The following DNAAF4 variants were observed in gnomAD, a reference collection of about 807,000 sequenced individuals.
The protein encoded by DNAAF4 is dynein assembly factor 4, axonemal.
A neutral mutation model predicts 51.8 loss-of-function variants in DNAAF4; 43 were observed. The observed-to-expected ratio is 0.83, with a 90% CI of 0.65 to 1.07. The LOEUF (loss-of-function observed/expected upper bound fraction) is 1.07. DNAAF4 is among the 50% of genes least tolerant of loss of function. The probability of loss-of-function intolerance (pLI) is 0.00; values close to 1 mark genes in which losing one functional copy is unlikely to be tolerated. For missense variants in DNAAF4, 581 were observed against 493.0 expected, an observed-to-expected ratio of 1.18 and a Z score of -1.69; for synonymous variants, 194 against 165.6, an observed-to-expected ratio of 1.17 and a Z score of -1.32.
intron 9 of DNAAF4, among the ~76,000 whole-genome samples, chr15:55,432,134 T>C (rs2057505858): frequency 6.6e-6 from 1 of 151,934 alleles, no homozygotes; most frequent in African/African-American, 2.4e-5. Flanking sequence ...TTTGTGTTTT[T>C]AGTAGAGGGT....
At chr15:55,467,294 G>C (rs1480306613) in intron 4 of DNAAF4, 133 bp from the exon 5 acceptor site, 1 of 857,220 alleles carries the variant, frequency 1.2e-6, no homozygotes, top group Non-Finnish European at 1.8e-6. Context: ...ATAGGTAGTA[G>C]TGAATTATGA....
chr15:55,473,345 ATGTGTGTATATATATGTG>A (rs1567023604), intron 4 of DNAAF4, among the ~76,000 whole-genome samples: 5 of 137,308 alleles, frequency 3.6e-5, no homozygotes. Flanking sequence ...GTGTATATAT[ATGTGTGTATATATATGTG>A]TGTGTGTATA....
chr15:55,471,035 T>C (rs868294606), intron 4 of DNAAF4, among the ~76,000 whole-genome samples: 10 of 151,072 alleles, frequency 6.6e-5, no homozygotes, highest in African/African-American at 2.2e-4. Flanking sequence ...GTTGTTGTTG[T>C]TTTTAGAGTC....
intron 6 of DNAAF4, among the ~76,000 whole-genome samples, chr15:55,444,460 T>C (rs188314947): frequency 6.6e-6 from 1 of 152,334 alleles, no homozygotes; most frequent in Admixed American, 6.5e-5. Context: ...TGTAGTGTAG[T>C]TTGAAGTCAG....
At chr15:55,436,083 C>T (rs142678299) in intron 7 of DNAAF4, among the ~76,000 whole-genome samples, 6 of 152,212 alleles carry the variant, frequency 3.9e-5, no homozygotes, top group East Asian at 3.9e-4. Context: ...CCATTGCGCC[C>T]GGCCCTATTT....
intron 6 of DNAAF4, among the ~76,000 whole-genome samples, chr15:55,446,390 G>A (rs1220029368): frequency 8.0e-5 from 11 of 136,780 alleles, no homozygotes; most frequent in South Asian, 2.5e-4. Context: ...ATGGGCGGCC[G>A]GGCAGAGGCG....
At chr15:55,446,087 A>T (rs1375905735) in intron 6 of DNAAF4, among the ~76,000 whole-genome samples, 4 of 133,576 alleles carry the variant, frequency 3.0e-5, no homozygotes, top group African/African-American at 1.2e-4. Flanking sequence ...GGCCGGGCAG[A>T]GGCGCTCCTC....
At chr15:55,428,001 G>A (rs188274038), downstream of DNAAF4, among the ~76,000 whole-genome samples, 128 of 152,042 alleles carry the variant, frequency 8.4e-4, 4 homozygotes, top group East Asian at 5.0e-3. Context: ...CACCCAGGCC[G>A]TAGTGCAATG....
intron 7 of DNAAF4, among the ~76,000 whole-genome samples, chr15:55,436,034 C>T (rs369942184): frequency 2.0e-5 from 3 of 152,114 alleles, no homozygotes; most frequent in African/African-American, 4.8e-5. Flanking sequence ...GTGATCTGCC[C>T]GCTTCGGCCT....
downstream of DNAAF4, among the ~76,000 whole-genome samples, chr15:55,427,512 G>T (rs992439003): frequency 6.6e-6 from 1 of 152,188 alleles, no homozygotes; most frequent in African/African-American, 2.4e-5. Flanking sequence ...AAGATTAGAT[G>T]AGTCAGTTTA....
Position 55,434,954 on chromosome 15 carries a change from C to A in DNAAF4, c.998G>T (p.Cys333Phe), listed in dbSNP as rs1349189455. ...GTGTAAGTTTTTTAGTTTTAGGTGG[C>A]AAGCAGCCCGGTTCAAATACAATAG... The part of the protein sequence containing the change: ...MPLLYLNRAA[C>F]HLKLKNLHKA... Residue 333 changes from cysteine (C) to phenylalanine (F), a missense_variant, in exon 8 of 10, where the codon TGC becomes TTC. Coordinates refer to ENST00000321149, the MANE Select transcript of DNAAF4 (RefSeq NM_130810.4). The A allele has an allele frequency of 6.8e-6, 11 of 1,612,590 alleles. No homozygotes were observed. The highest frequency in any genetic ancestry group is 9.3e-6 in the Non-Finnish European group (11 of 1,179,648).
chr15:55,459,825 T>C (rs1485672990), intron 5 of DNAAF4, among the ~76,000 whole-genome samples: 3 of 151,892 alleles, frequency 2.0e-5, no homozygotes, highest in African/African-American at 7.3e-5. Flanking sequence ...TGCCTTAGCT[T>C]TCCAAGTAGC....
At chr15:55,433,491 T>C (rs867262118) in intron 8 of DNAAF4, among the ~76,000 whole-genome samples, 1 of 151,414 alleles carries the variant, frequency 6.6e-6, no homozygotes, top group African/African-American at 2.4e-5. Context: ...CCGGGTATGA[T>C]GGCGGGCGCC....
rs764342798 is a variant in DNAAF4 at position 55,434,989 on chromosome 15, A to T, written c.963T>A (p.Asn321Lys). ...NAYNLAIRLN[N>K]KMPLLYLNRA... ...GGTTCAAATACAATAGTGGCATCTTATTATTTAGTCTTATGGCTAAATTAT... is the reference window on the plus strand; with the variant it reads ...GGTTCAAATACAATAGTGGCATCTTTTTATTTAGTCTTATGGCTAAATTAT... The change falls in exon 8 of 10, where the codon AAT becomes AAA. Residue 321 changes from asparagine (N) to lysine (K), a missense_variant. Physicochemically the swap from Asn to Lys is moderately conservative, Grantham distance 94. Transcript: ENST00000321149. The T allele has an allele frequency of 6.2e-7, 1 of 1,613,200 alleles. No individual in the cohort carries two copies. The highest frequency in any genetic ancestry group is 1.1e-5 in the South Asian group (1 of 90,624).
At chr15:55,453,052 C>T (rs748347265) in intron 5 of DNAAF4, among the ~76,000 whole-genome samples, 10 of 152,122 alleles carry the variant, frequency 6.6e-5, no homozygotes, top group Non-Finnish European at 1.5e-4. Context: ...GTCTCGAACT[C>T]CTGATCTCGT....
chr15:55,493,924 G>A lies in DNAAF4; in HGVS notation c.272-2668C>T, dbSNP rs181223941. Among the ~76,000 whole-genome samples the A allele has an allele frequency of 2.6e-3, 386 of 150,966 alleles. 2 individuals are homozygous for A. Among genetic ancestry groups the A allele is most frequent in the African/African-American group, 9.0e-3 (368 of 41,056 alleles). ...TCCCTATGTTGCCCAGGCTGGTCTT[G>A]AATTCCTGGGCTCAAATGATCCTCC... On this transcript the variant is annotated intron_variant, in intron 3 of 9. Transcript: ENST00000321149.
chr15:55,497,671 A>G (rs1451486157), intron 3 of DNAAF4, 41 bp downstream of exon 3: 2 of 1,562,960 alleles, frequency 1.3e-6, no homozygotes, highest in East Asian at 2.3e-5. Flanking sequence ...CTGAAACCGA[A>G]AAGGTACAAC....
At chr15:55,455,119 C>CTT (rs199815090) in intron 5 of DNAAF4, among the ~76,000 whole-genome samples, 9 of 141,412 alleles carry the variant, frequency 6.4e-5, no homozygotes, top group East Asian at 4.1e-4. Context: ...GAAACTGAAT[C>CTT]TTTTTTTTTT....
In DNAAF4 at chr15:55,449,953, G is replaced by C. The variant is rs2919004; in HGVS notation, c.783+269C>G. Among the ~76,000 whole-genome samples the C allele has an allele frequency of 1, 152,024 of 152,024 alleles. 76,012 individuals carry two copies. The highest frequency in any genetic ancestry group is 1 in the Non-Finnish European group (68,024 of 68,024). On this transcript the variant is annotated intron_variant, in intron 6 of 9. Coordinates refer to ENST00000321149, the MANE Select transcript of DNAAF4 (RefSeq NM_130810.4). ...ACCTCAAGTGATCCACCCATCTCGG[G>C]CTCCCAAAGTGCTGGGATTGCAGGC...
Sources: gnomAD v4.1 joint callset for allele counts (sites outside exome capture counted in the v4.1 genomes callset) on GRCh38, gnomAD v4.1.1 for gene constraint, MANE v1.5 for transcripts, NCBI Gene and HGNC (gene_info 2026-07-23, HGNC 2026-07-21) for gene names.